The following HAVCR1 variants were observed in gnomAD, a reference collection of about 807,000 sequenced individuals.
HAVCR1 encodes the protein T cell immunoglobin domain and mucin domain protein 1.
In HAVCR1, 34 loss-of-function variants were observed where a neutral mutation model predicts 32.0. That is an observed-to-expected ratio of 1.06 (90% CI 0.81 to 1.42). The LOEUF is 1.42. Ranked by LOEUF, HAVCR1 falls within the 40% of genes most tolerant of loss-of-function variation. The pLI is 0.00. For synonymous variants in HAVCR1, 178 were observed against 170.3 expected, an observed-to-expected ratio of 1.05 and a Z score of -0.35; for missense variants, 420 against 442.3, an observed-to-expected ratio of 0.95 and a Z score of 0.45.
chr5:157,047,801 C>T lies in HAVCR1; in HGVS notation c.781+1237G>A, dbSNP rs193102172. Among the ~76,000 whole-genome samples, 45 of 152,252 alleles carry T rather than the reference C, an allele frequency of 3.0e-4. No homozygotes were observed. The South Asian group carries it at 5.8e-3, about 20-fold the overall frequency. ...GAACCCAAAGAGAGGGTTGTGGGAACCCCAACTTGAAACTGGCCGCTCAGA... is the reference window on the plus strand; with the variant it reads ...GAACCCAAAGAGAGGGTTGTGGGAATCCCAACTTGAAACTGGCCGCTCAGA... On this transcript the variant is annotated intron_variant, in intron 5 of 8. Transcript: ENST00000523175.
intron 2 of HAVCR1, among the ~76,000 whole-genome samples, chr5:157,055,787 C>T (rs1165366065): frequency 6.6e-6 from 1 of 151,072 alleles, no homozygotes; most frequent in Non-Finnish European, 1.5e-5. Context: ...AGTGCTTGAA[C>T]CTGGGAGGCG....
chr5:157,033,750 C>T (rs1363039815), intron 7 of HAVCR1, among the ~76,000 whole-genome samples: 2 of 152,200 alleles, frequency 1.3e-5, no homozygotes, highest in East Asian at 3.8e-4. Context: ...ACATCCATCA[C>T]TTTTCTCTCC....
chr5:157,055,796 C>T (rs749149797), intron 2 of HAVCR1, among the ~76,000 whole-genome samples: 3 of 151,064 alleles, frequency 2.0e-5, no homozygotes, highest in Non-Finnish European at 2.9e-5. Flanking sequence ...ACCTGGGAGG[C>T]GGAGGTTGCA....
At position 157,056,514 on chromosome 5, in the gene HAVCR1, A is replaced by G. The variant is rs534842123; in HGVS notation, c.47-981T>C. ...CCCGCCTCAGCCTCCCCAGCAGCTG[A>G]GACTACAGGCACACGCCGCCACGCC... On this transcript the variant is annotated intron_variant, in intron 2 of 8. Transcript: ENST00000523175. 5.1e-4 allele frequency among the ~76,000 whole-genome samples: 77 copies of G among 150,982 alleles called. 2 individuals carry two copies. The highest frequency in any genetic ancestry group is 1.2e-3 in the African/African-American group (48 of 41,156).
Position 157,035,971 on chromosome 5 carries a change from G to A in HAVCR1, c.952+1276C>T, listed in dbSNP as rs559847298. On this transcript the variant is annotated intron_variant, in intron 7 of 8. Transcript: ENST00000523175. ...GTGCAAATACTACACCATTTTATAA[G>A]GGACTTGAGCATCTGCAGATTTTGG... Among the ~76,000 whole-genome samples, 373 of 152,220 alleles carry A rather than the reference G, an allele frequency of 2.5e-3. 3 individuals are homozygous for A. The highest frequency in any genetic ancestry group is 8.7e-3 in the African/African-American group (362 of 41,538).
chr5:157,066,593 A>G, the HAVCR1 span, among the ~76,000 whole-genome samples: 1 of 149,974 alleles, frequency 6.7e-6, no homozygotes, highest in Non-Finnish European at 1.5e-5. Flanking sequence ...GCATGTTTGT[A>G]TGATCTGGAG....
intron 7 of HAVCR1, among the ~76,000 whole-genome samples, chr5:157,034,119 C>A (rs2113486088): frequency 6.6e-6 from 1 of 152,144 alleles, no homozygotes; most frequent in South Asian, 2.1e-4. Flanking sequence ...GCCCAAGGGA[C>A]CGGCGCTCAG....
At chr5:157,049,997 T>A (rs1755644607) in intron 4 of HAVCR1, among the ~76,000 whole-genome samples, 1 of 152,226 alleles carries the variant, frequency 6.6e-6, no homozygotes, top group Admixed American at 6.5e-5. Flanking sequence ...TCACAAAGCA[T>A]TTACATGATT....
chr5:157,044,669 GAAA>G, intron 5 of HAVCR1, among the ~76,000 whole-genome samples: 1 of 147,194 alleles, frequency 6.8e-6, no homozygotes, highest in South Asian at 2.3e-4. Context: ...AAGAAAGAAA[GAAA>G]GAAAGGAGGG....
chr5:157,048,371 T>G lies in HAVCR1; in HGVS notation c.781+667A>C, dbSNP rs78342131. On this transcript the variant is annotated intron_variant, in intron 5 of 8. Transcript: ENST00000523175. ...TGCATGTGGATGTTTCCAAATCACA[T>G]AAGCTATCTGTGCAGTCAGGCATTT... is the stretch of plus-strand genomic sequence containing the variant. 5.4e-3 allele frequency among the ~76,000 whole-genome samples: 819 copies of G among 152,318 alleles called. 41 individuals are homozygous for G. In the East Asian group the frequency reaches 0.092, roughly 17 times the overall value.
chr5:157,057,677 A>C (rs1756296960), intron 2 of HAVCR1, among the ~76,000 whole-genome samples: 1 of 152,172 alleles, frequency 6.6e-6, no homozygotes, highest in African/African-American at 2.4e-5. Flanking sequence ...TGCCTTGTTC[A>C]TTTAGCCATG....
intron 5 of HAVCR1, 32 bp downstream of exon 5, chr5:157,049,006 T>A: frequency 8.2e-7 from 1 of 1,222,264 alleles, no homozygotes; most frequent in Non-Finnish European, 1.2e-6. Flanking sequence ...GTTTGAATGA[T>A]CCCAGGTCTT....
At chr5:157,056,231 T>C (rs1243617445) in intron 2 of HAVCR1, among the ~76,000 whole-genome samples, 1 of 151,354 alleles carries the variant, frequency 6.6e-6, no homozygotes, top group Non-Finnish European at 1.5e-5. Flanking sequence ...TGCCCAGCCT[T>C]GTAAATAGAC....
chr5:157,065,912 C>T, the HAVCR1 span, among the ~76,000 whole-genome samples: 3 of 151,324 alleles, frequency 2.0e-5, no homozygotes, highest in African/African-American at 7.3e-5. Flanking sequence ...GGAAATTAGC[C>T]GGGCGTGGTG....
chr5:157,058,104 T>G (rs180761044), intron 1 of HAVCR1, 149 bp from the exon 2 acceptor site: 4 of 637,094 alleles, frequency 6.3e-6, no homozygotes, highest in Non-Finnish European at 1.1e-5. Flanking sequence ...AGACCACATA[T>G]AACGGCTTCA....
intron 1 of HAVCR1, chr5:157,058,357 A>T (rs34333511): frequency 0.012 from 2,005 of 161,730 alleles, 13 homozygotes; most frequent in African/African-American, 0.021. Context: ...AAGTCAGGAG[A>T]TCGAGACCAT....
intron 6 of HAVCR1, among the ~76,000 whole-genome samples, chr5:157,038,000 C>T (rs1291668908): frequency 1.7e-5 from 2 of 117,098 alleles, no homozygotes; most frequent in Non-Finnish European, 3.5e-5. Flanking sequence ...GAGTGAGACT[C>T]CATCTCGAAA....
chr5:157,052,538 C>T lies in HAVCR1; in HGVS notation c.496G>A (p.Val166Ile), dbSNP rs761509717. The stretch of plus-strand genomic sequence containing the variant: ...GTTGGAATGCTCATTGTTGTTGGAA[C>T]AGTTGTCGTTGGAACAGTCGTCATT... ...VPMTTVPTTT[V>I]PTTMSIPTTT... Residue 166 changes from valine (V) to isoleucine (I), a missense_variant, in exon 4 of 9, where the codon GTT becomes ATT. By Grantham distance (29) the Val-to-Ile change is conservative. Transcript: ENST00000523175. 6.4e-7 allele frequency: 1 copy of T among 1,563,562 alleles called. No individual in the cohort carries two copies. The highest frequency in any genetic ancestry group is 8.6e-7 in the Non-Finnish European group (1 of 1,160,818).
rs770483110 is a variant in HAVCR1 at position 157,029,710 on chromosome 5, C to T, written c.*23G>A. ...AGTCTTCTGCACTCATGGGCGTAAACTCTCAAAGAGCACCACTGGGTCTTA... is the reference window on the plus strand; with the variant it reads ...AGTCTTCTGCACTCATGGGCGTAAATTCTCAAAGAGCACCACTGGGTCTTA... On this transcript the variant is annotated 3_prime_UTR_variant, in exon 9 of 9. Coordinates refer to ENST00000523175, the MANE Select transcript of HAVCR1 (RefSeq NM_001173393.3). 6 of 1,612,684 alleles carry T rather than the reference C, an allele frequency of 3.7e-6. No individual in the cohort carries two copies. In the African/African-American group the frequency reaches 5.3e-5, roughly 14 times the overall value.
Sources: gnomAD v4.1 joint callset for allele counts (sites outside exome capture counted in the v4.1 genomes callset) on GRCh38, gnomAD v4.1.1 for gene constraint, MANE v1.5 for transcripts, NCBI Gene and HGNC (gene_info 2026-07-23, HGNC 2026-07-21) for gene names.